Variants in PAEP observed in about 807,000 individuals in gnomAD.
PAEP encodes the protein glycodelin.
In PAEP, 28 loss-of-function variants were observed where a neutral mutation model predicts 23.0. That is an observed-to-expected ratio of 1.22 (90% CI 0.90 to 1.67). The LOEUF is 1.67. PAEP is among the 40% of genes most tolerant of loss of function. PAEP has a pLI of 0.00. For missense variants in PAEP, 209 were observed against 226.4 expected, an observed-to-expected ratio of 0.92 and a Z score of 0.49; for synonymous variants, 103 against 92.4, an observed-to-expected ratio of 1.12 and a Z score of -0.66.
intron 3 of PAEP, among the ~76,000 whole-genome samples, chr9:135,563,965 T>C (rs1832457542): frequency 6.6e-6 from 1 of 152,188 alleles, no homozygotes; most frequent in African/African-American, 2.4e-5. Flanking sequence ...GACTTCTCAG[T>C]TGGAGTCTCT....
chr9:135,565,879 T>A, intron 6 of PAEP, 78 bp downstream of exon 6: 1 of 1,465,430 alleles, frequency 6.8e-7, no homozygotes, highest in Non-Finnish European at 9.6e-7. Context: ...TCTGGGCCCC[T>A]GGGACAGACC....
intron 5 of PAEP, 92 bp from the exon 6 acceptor site, chr9:135,565,693 A>G (rs1832549385): frequency 4.0e-6 from 6 of 1,505,606 alleles, no homozygotes; most frequent in African/African-American, 1.4e-5. Flanking sequence ...CTCTCCCACC[A>G]TCCTTTCATC....
At position 135,562,011 on chromosome 9, in the gene PAEP, C is replaced by T. The variant is rs574017278; in HGVS notation, c.96+114C>T. 15 of 881,052 alleles carry T rather than the reference C, an allele frequency of 1.7e-5. No homozygotes were observed. The South Asian group carries it at 1.8e-4, about 11-fold the overall frequency. The allele number at this position is 881,052 out of a possible 1,614,324, so 54.6% of individuals were successfully genotyped here. ...ACCTACAGGAAGCACAGAATGGACG[C>T]CATGACGTCAGGAAGCCCTCAGCCC... On this transcript the variant is annotated intron_variant, in intron 1 of 6. Transcript: ENST00000479141.
At chr9:135,562,665 C>A (rs1182955474) in intron 2 of PAEP, among the ~76,000 whole-genome samples, 155 bp from the exon 3 acceptor site, 1 of 152,202 alleles carries the variant, frequency 6.6e-6, no homozygotes, top group Non-Finnish European at 1.5e-5. Flanking sequence ...CCACACAGTG[C>A]AGCCCCAGGT....
intron 4 of PAEP, among the ~76,000 whole-genome samples, chr9:135,565,071 C>T (rs1053694862): frequency 3.9e-5 from 6 of 152,210 alleles, no homozygotes; most frequent in Non-Finnish European, 8.8e-5. Context: ...TCTTGATCAG[C>T]CTCAGCCATG....
Position 135,561,893 on chromosome 9 carries a change from C to T in PAEP, c.92C>T (p.Pro31Leu). ...IPQTKQDLELPKLAGTWHSMA... is the reference protein window; with the variant it reads ...IPQTKQDLELLKLAGTWHSMA... ...CAGACCAAGCAGGACCTGGAGCTCC[C>T]AAAGGTTTGAGGCTGGGGGAGCGGG... Residue 31 changes from proline to leucine, a missense_variant, in exon 1 of 7, where the codon CCA becomes CTA. Physicochemically the swap from Pro to Leu is moderately conservative, Grantham distance 98 (BLOSUM62 -3). Transcript: ENST00000479141. The T allele has an allele frequency of 6.4e-7, 1 of 1,555,100 alleles. No homozygotes were observed. The highest frequency in any genetic ancestry group is 1.9e-5 in the Admixed American group (1 of 52,802).
chr9:135,563,141 C>T (rs1832390882), intron 3 of PAEP, among the ~76,000 whole-genome samples: 1 of 152,248 alleles, frequency 6.6e-6, no homozygotes, highest in South Asian at 2.1e-4. Flanking sequence ...TGTGCCCAGG[C>T]ACAGGGGACA....
chr9:135,564,752 C>A lies in PAEP; in HGVS notation c.421+398C>A, dbSNP rs902360540. 1.3e-5 allele frequency: 12 copies of A among 949,148 alleles called. 1 individual carries two copies. Among genetic ancestry groups the A allele is most frequent in the Non-Finnish European group, 1.5e-5 (12 of 797,026 alleles). The allele number at this position is 949,148 out of a possible 1,614,324, so 58.8% of individuals were successfully genotyped here. A position where few individuals can be genotyped will look rare whatever the true frequency, so the allele number is the denominator to read the frequency against. On this transcript the variant is annotated intron_variant, in intron 4 of 6. Coordinates refer to ENST00000479141, the MANE Select transcript of PAEP (RefSeq NM_002571.4). ...ACTCCTGGATCAAGTGATCCACCCGCCTTGGCCTCCCAAAGGGCTGGGATT... is the reference window on the plus strand; with the variant it reads ...ACTCCTGGATCAAGTGATCCACCCGACTTGGCCTCCCAAAGGGCTGGGATT...
chr9:135,564,117 G>A (rs1243617686), intron 3 of PAEP, 127 bp from the exon 4 acceptor site: 4 of 1,392,984 alleles, frequency 2.9e-6, no homozygotes, highest in East Asian at 2.6e-5. Flanking sequence ...TCCACAGCAG[G>A]GGCCACGTCC....
intron 4 of PAEP, 160 bp downstream of exon 4, chr9:135,564,514 G>T (rs1002097740): frequency 1.0e-6 from 1 of 981,650 alleles, no homozygotes; most frequent in Non-Finnish European, 1.2e-6. Context: ...TGTTTGCTTT[G>T]TTTTTTTGAG....
At chr9:135,563,354 T>TTAGGTGACCAGGTGGGCAGGTGGA (rs1832409763) in intron 3 of PAEP, among the ~76,000 whole-genome samples, 1 of 130,306 alleles carries the variant, frequency 7.7e-6, no homozygotes. Flanking sequence ...GAGCAGGTGG[T>TTAGGTGACCAGGTGGGCAGGTGGA]TAGGTGAACA....
chr9:135,562,424 T>G lies in PAEP; in HGVS notation c.227T>G (p.Leu76Arg). Residue 76 changes from leucine (L) to arginine (R), a missense_variant, in exon 2 of 7, where the codon CTG (leucine) becomes CGG (arginine). Physicochemically the swap from Leu to Arg is moderately radical, Grantham distance 102. Coordinates refer to ENST00000479141, the MANE Select transcript of PAEP (RefSeq NM_002571.4). ...CCCGAGGACAACCTGGAGATCGTTCTGCACAGATGGTGGGTTTCTCATCAT... is the reference window on the plus strand; with the variant it reads ...CCCGAGGACAACCTGGAGATCGTTCGGCACAGATGGTGGGTTTCTCATCAT... ...PTPEDNLEIVLHRWENNSCVE... is the reference protein window; with the variant it reads ...PTPEDNLEIVRHRWENNSCVE... The G allele has an allele frequency of 6.2e-7, 1 of 1,613,928 alleles. No homozygotes were observed.
chr9:135,561,971 C>A, intron 1 of PAEP, 74 bp downstream of exon 1: 1 of 1,161,730 alleles, frequency 8.6e-7, no homozygotes, highest in Non-Finnish European at 1.2e-6. Context: ...AGGCAGGAAG[C>A]CCAGGATCTC....
At chr9:135,562,708 C>T in intron 2 of PAEP, 112 bp from the exon 3 acceptor site, 1 of 930,068 alleles carries the variant, frequency 1.1e-6, no homozygotes, top group Non-Finnish European at 1.7e-6. Flanking sequence ...CGGCTGCGGG[C>T]TGCGGTGCTC....
intron 6 of PAEP, 52 bp from the exon 7 acceptor site, chr9:135,566,501 C>T (rs117230653): frequency 1.7e-3 from 260 of 154,956 alleles, no homozygotes; most frequent in Non-Finnish European, 3.0e-3. Context: ...AGGGCTCCCC[C>T]GAAACACCCT....
At chr9:135,562,457 G>A (rs1292168605) in intron 2 of PAEP, 24 bp downstream of exon 2, 2 of 1,608,576 alleles carry the variant, frequency 1.2e-6, no homozygotes, top group Non-Finnish European at 1.7e-6. Flanking sequence ...CATTGAGACG[G>A]GCTGGGCGGG....
At chr9:135,561,963 G>A (rs963170073) in intron 1 of PAEP, 66 bp downstream of exon 1, 10 of 1,211,494 alleles carry the variant, frequency 8.3e-6, no homozygotes, top group Admixed American at 2.1e-5. Context: ...CTGCGGGCAG[G>A]CAGGAAGCCC....
At chr9:135,565,236 G>A (rs1832521433) in intron 4 of PAEP, 174 bp from the exon 5 acceptor site, 6 of 614,930 alleles carry the variant, frequency 9.8e-6, no homozygotes, top group South Asian at 7.8e-5. Context: ...ACCTGGAGGT[G>A]CAGTGGACAG....
rs1364154736 is a variant in PAEP, at chr9:135,562,428, C to T, written c.231C>T (p.His77=). The change falls in exon 2 of 7, where the codon CAC becomes CAT. Residue 77 remains histidine (H), a synonymous_variant. Coordinates refer to ENST00000479141, the MANE Select transcript of PAEP (RefSeq NM_002571.4). ...TPEDNLEIVL[H]RWENNSCVEK... ...AGGACAACCTGGAGATCGTTCTGCA[C>T]AGATGGTGGGTTTCTCATCATTGAG... is the stretch of plus-strand genomic sequence containing the variant. 5 of 1,613,708 alleles carry T rather than the reference C, an allele frequency of 3.1e-6. No homozygotes were observed. The Admixed American group carries it at 5.0e-5, about 16-fold the overall frequency.
Sources: gnomAD v4.1 joint callset for allele counts (sites outside exome capture counted in the v4.1 genomes callset) on GRCh38, gnomAD v4.1.1 for gene constraint, MANE v1.5 for transcripts, NCBI Gene and HGNC (gene_info 2026-07-23, HGNC 2026-07-21) for gene names.